TANC2: variants seen among roughly 807,000 people sequenced by gnomAD.
TANC2 encodes the protein tetratricopeptide repeat, ankyrin repeat and coiled-coil containing 2.
In TANC2, 26 loss-of-function variants were observed where a neutral mutation model predicts 210.5. The observed-to-expected ratio is 0.12, with a 90% confidence interval of 0.09 to 0.17. The LOEUF is 0.17. Ranked by LOEUF, TANC2 falls within the 10% of genes least tolerant of loss-of-function variation. TANC2 has a pLI of 1.00. For missense variants in TANC2, 2,129 were observed against 2,608.9 expected (o/e 0.82, Z 4.01); for synonymous variants, 931 against 967.1 (o/e 0.96, Z 0.69).
chr17:63,394,291 C>T (rs1303248638), intron 17 of TANC2, among the ~76,000 whole-genome samples: 1 of 152,106 alleles, frequency 6.6e-6, no homozygotes, highest in African/African-American at 2.4e-5. Flanking sequence ...CATTGTTCAC[C>T]TTGCCCCAGA....
intron 5 of TANC2, among the ~76,000 whole-genome samples, chr17:63,156,583 C>T (rs1376107231): frequency 1.3e-5 from 2 of 152,094 alleles, no homozygotes; most frequent in African/African-American, 4.8e-5. Context: ...ACAAATGAAA[C>T]AGAAATAAGT....
chr17:63,236,931 G>A (rs964514747), intron 7 of TANC2, among the ~76,000 whole-genome samples: 1 of 152,028 alleles, frequency 6.6e-6, no homozygotes, highest in African/African-American at 2.4e-5. Context: ...CTTTGCTATT[G>A]TAAATAGTGC....
At chr17:63,090,909 G>C (rs1457085243) in intron 3 of TANC2, among the ~76,000 whole-genome samples, 1 of 152,218 alleles carries the variant, frequency 6.6e-6, no homozygotes. Flanking sequence ...TCTAACTGGT[G>C]TGAGATGGTA....
intron 7 of TANC2, among the ~76,000 whole-genome samples, chr17:63,229,504 C>T (rs1037689368): frequency 2.0e-5 from 3 of 150,674 alleles, no homozygotes; most frequent in Non-Finnish European, 4.4e-5. Context: ...ACAGTACCAG[C>T]AACTCTTTAT....
chr17:63,040,601 G>A (rs2035148966), intron 2 of TANC2, among the ~76,000 whole-genome samples: 1 of 152,096 alleles, frequency 6.6e-6, no homozygotes, highest in Non-Finnish European at 1.5e-5. Context: ...GGATGCCTTT[G>A]AGTTGTAAAA....
intron 3 of TANC2, among the ~76,000 whole-genome samples, chr17:63,084,043 A>G (rs1177326573): frequency 6.6e-6 from 1 of 152,174 alleles, no homozygotes; most frequent in African/African-American, 2.4e-5. Flanking sequence ...TTTGAAAAAG[A>G]TTGTAGAGAA....
intron 4 of TANC2, among the ~76,000 whole-genome samples, chr17:63,142,914 G>C (rs961856471): frequency 1.3e-5 from 2 of 152,026 alleles, no homozygotes; most frequent in Non-Finnish European, 1.5e-5. Flanking sequence ...CCTATGTTTT[G>C]TCCCATTTTC....
chr17:63,162,432 GA>G (rs1405821234), intron 5 of TANC2, among the ~76,000 whole-genome samples: 38 of 152,184 alleles, frequency 2.5e-4, no homozygotes, highest in African/African-American at 9.2e-4. Flanking sequence ...GTAGCTGTAG[GA>G]GACTATGAGA....
chr17:63,409,078 G>A (rs180976496), intron 21 of TANC2, among the ~76,000 whole-genome samples: 4 of 152,248 alleles, frequency 2.6e-5, no homozygotes, highest in Non-Finnish European at 1.5e-5. Context: ...TGAAAGGGTG[G>A]GTGGAGAATT....
chr17:63,036,121 TG>T (rs1163200494), intron 2 of TANC2, among the ~76,000 whole-genome samples: 3 of 152,196 alleles, frequency 2.0e-5, no homozygotes, highest in Admixed American at 2.0e-4. Flanking sequence ...TTGCTTGCTT[TG>T]TTTATTCTCT....
intron 5 of TANC2, among the ~76,000 whole-genome samples, chr17:63,160,754 G>A (rs1284498933): frequency 6.6e-6 from 1 of 152,022 alleles, no homozygotes; most frequent in Non-Finnish European, 1.5e-5. Context: ...ATTTCTTCCA[G>A]AAATGTATCA....
At chr17:63,100,575 C>A (rs909869385) in intron 4 of TANC2, among the ~76,000 whole-genome samples, 3 of 151,954 alleles carry the variant, frequency 2.0e-5, no homozygotes, top group Non-Finnish European at 4.4e-5. Flanking sequence ...AGAAATTCTC[C>A]CTGTTTTACA....
At chr17:63,406,400 GA>G (rs1389061400) in intron 21 of TANC2, 123 bp downstream of exon 21, 3 of 1,379,996 alleles carry the variant, frequency 2.2e-6, no homozygotes, top group Non-Finnish European at 3.0e-6. Context: ...GTTGGAAAAT[GA>G]AAGGCTATCT....
intron 2 of TANC2, among the ~76,000 whole-genome samples, chr17:63,036,131 C>G (rs896089359): frequency 6.6e-6 from 1 of 151,676 alleles, no homozygotes; most frequent in Non-Finnish European, 1.5e-5. Context: ...TGTTTATTCT[C>G]TTAACAGTGT....
intron 7 of TANC2, among the ~76,000 whole-genome samples, chr17:63,207,429 A>G (rs1240650397): frequency 1.3e-5 from 2 of 151,706 alleles, no homozygotes; most frequent in Admixed American, 6.6e-5. Flanking sequence ...GTTAGCCAGG[A>G]TAGTCTTGAT....
At chr17:63,335,340 C>T (rs966094859) in intron 11 of TANC2, among the ~76,000 whole-genome samples, 3 of 152,066 alleles carry the variant, frequency 2.0e-5, no homozygotes, top group East Asian at 1.9e-4. Context: ...TGGCCGGGCA[C>T]GGTGGCTCAT....
At chr17:63,284,361 A>AT (rs1351916698) in intron 9 of TANC2, among the ~76,000 whole-genome samples, 1 of 151,880 alleles carries the variant, frequency 6.6e-6, no homozygotes, top group Non-Finnish European at 1.5e-5. Context: ...ACTGTTCTGT[A>AT]TTTATGTTCA....
At chr17:63,265,259 G>T (rs2146254623) in intron 8 of TANC2, among the ~76,000 whole-genome samples, 1 of 152,280 alleles carries the variant, frequency 6.6e-6, no homozygotes, top group African/African-American at 2.4e-5. Flanking sequence ...GATTATGAAT[G>T]CTGAACCAGT....
At chr17:63,025,159 T>A (rs2034499144) in intron 2 of TANC2, among the ~76,000 whole-genome samples, 1 of 152,216 alleles carries the variant, frequency 6.6e-6, no homozygotes, top group Admixed American at 6.5e-5. Context: ...TCCATGGCTT[T>A]CCTCCTTATT....
Sources: allele counts gnomAD v4.1 joint callset (sites outside exome capture counted in the v4.1 genomes callset), GRCh38; gene constraint gnomAD v4.1.1; transcripts MANE v1.5; gene names NCBI Gene and HGNC (gene_info 2026-07-23, HGNC 2026-07-21).